DCTD: variants seen among roughly 807,000 people sequenced by gnomAD.
The protein encoded by DCTD is deoxycytidylate deaminase.
DCTD carries 23 observed loss-of-function variants against 21.0 expected under a neutral mutation model. The observed-to-expected ratio is 1.09, with a 90% CI of 0.79 to 1.55. The LOEUF (loss-of-function observed/expected upper bound fraction) is 1.55, where lower values mean the gene tolerates loss of function less well. Ranked by LOEUF, DCTD falls within the 40% of genes most tolerant of loss-of-function variation. DCTD has a pLI of 0.00. For missense variants in DCTD, 224 were observed against 230.0 expected, an observed-to-expected ratio of 0.97 and a Z score of 0.17; for synonymous variants, 71 against 81.1, an observed-to-expected ratio of 0.88 and a Z score of 0.67.
At chr4:182,898,888 A>G (rs1735217472) in intron 3 of DCTD, among the ~76,000 whole-genome samples, 1 of 152,242 alleles carries the variant, frequency 6.6e-6, no homozygotes, top group East Asian at 1.9e-4. Context: ...AATCAGTTCA[A>G]TGAGTTACAC....
At chr4:182,904,369 C>A (rs1008558926) in intron 3 of DCTD, among the ~76,000 whole-genome samples, 1 of 152,186 alleles carries the variant, frequency 6.6e-6, no homozygotes, top group Non-Finnish European at 1.5e-5. Context: ...GAAATGCACA[C>A]GTGATGCCTA....
chr4:182,890,668 G>A lies in DCTD; in HGVS notation c.*731C>T, dbSNP rs1045231100. ...GGAACAACTCATTATTCAGCTAAAC[G>A]AAATGGAAGAGCTCCATGTGACCAA... On this transcript the variant is annotated 3_prime_UTR_variant, in exon 6 of 6. Transcript: ENST00000438320. The A allele has an allele frequency of 6.6e-6, 1 of 152,364 alleles. No individual in the cohort carries two copies. Among genetic ancestry groups the A allele is most frequent in the East Asian group, 1.9e-4 (1 of 5,170 alleles). The allele number at this position is 152,364 out of a possible 1,614,324, so 9.4% of individuals were successfully genotyped here. A position where few individuals can be genotyped will look rare whatever the true frequency, so the allele number is the denominator to read the frequency against.
chr4:182,914,852 G>C, intron 3 of DCTD, 71 bp downstream of exon 3: 1 of 1,575,838 alleles, frequency 6.3e-7, no homozygotes, highest in Non-Finnish European at 8.7e-7. Flanking sequence ...GATGCCTTCT[G>C]ACCAACTTTC....
intron 3 of DCTD, among the ~76,000 whole-genome samples, chr4:182,914,324 G>T (rs1561347453): frequency 6.6e-6 from 1 of 152,182 alleles, no homozygotes; most frequent in Non-Finnish European, 1.5e-5. Context: ...CTGGCTTTTG[G>T]TCTGACCACA....
At chr4:182,903,750 C>A (rs1736163870) in intron 3 of DCTD, among the ~76,000 whole-genome samples, 1 of 152,114 alleles carries the variant, frequency 6.6e-6, no homozygotes, top group African/African-American at 2.4e-5. Context: ...GCTCCTGCAA[C>A]AATGCACTCA....
intron 3 of DCTD, among the ~76,000 whole-genome samples, chr4:182,914,445 C>A (rs922011975): frequency 6.6e-6 from 1 of 152,248 alleles, no homozygotes; most frequent in Non-Finnish European, 1.5e-5. Context: ...TGAGCTTGAG[C>A]CAGATGTTCT....
chr4:182,901,908 T>C (rs1191031773), intron 3 of DCTD, among the ~76,000 whole-genome samples: 1 of 152,050 alleles, frequency 6.6e-6, no homozygotes, highest in Non-Finnish European at 1.5e-5. Context: ...GTTATCAGAG[T>C]TGCTAAACCT....
intron 3 of DCTD, among the ~76,000 whole-genome samples, chr4:182,902,242 G>T (rs943424065): frequency 1.3e-5 from 2 of 152,128 alleles, no homozygotes; most frequent in African/African-American, 2.4e-5. Context: ...AAAAGCTTAT[G>T]AAGTGTTCCC....
At chr4:182,896,054 T>C (rs138100117) in intron 3 of DCTD, among the ~76,000 whole-genome samples, 84 of 152,326 alleles carry the variant, frequency 5.5e-4, no homozygotes, top group Middle Eastern at 3.4e-3. Flanking sequence ...ATGGGAATCT[T>C]CAAGGTCTCC....
Position 182,914,940 on chromosome 4 carries a change from T to C in DCTD, c.227A>G (p.Asp76Gly), listed in dbSNP as rs368912929. The C allele has an allele frequency of 3.7e-6, 6 of 1,614,128 alleles. No individual in the cohort carries two copies. In the East Asian group the frequency reaches 1.3e-4, roughly 36 times the overall value. ...TGCCCTACCGTACGGGTATTTGGTG[T>C]CCAGCTTATTCTCTGCTGTCCTTCT... Reference protein sequence around the residue: ...PWRRTAENKLDTKYPYVCHAE... With the variant: ...PWRRTAENKLGTKYPYVCHAE... The change falls in exon 3 of 6, where the codon GAC becomes GGC. Residue 76 changes from aspartate to glycine, a missense_variant. Transcript: ENST00000438320.
chr4:182,893,215 T>C (rs1312008918), intron 4 of DCTD, 88 bp from the exon 5 acceptor site: 9 of 779,308 alleles, frequency 1.2e-5, no homozygotes, highest in Admixed American at 4.0e-5. Flanking sequence ...ACTTTCAGCG[T>C]CTATGATTAA....
At chr4:182,911,088 T>C (rs1737584439) in intron 3 of DCTD, 1 of 152,256 alleles carries the variant, frequency 6.6e-6, no homozygotes, top group Admixed American at 6.5e-5. Context: ...TGGACATTTA[T>C]TTCTCATGGT....
intron 3 of DCTD, among the ~76,000 whole-genome samples, chr4:182,913,404 T>C (rs985039384): frequency 4.6e-5 from 7 of 152,368 alleles, no homozygotes; most frequent in African/African-American, 1.7e-4. Context: ...GTTCCTCCTC[T>C]CTCTCCAGGT....
intron 3 of DCTD, among the ~76,000 whole-genome samples, chr4:182,904,651 A>C (rs1380824207): frequency 6.6e-6 from 1 of 152,108 alleles, no homozygotes; most frequent in Non-Finnish European, 1.5e-5. Flanking sequence ...TGAGCTCCTG[A>C]CACTGCCCTA....
Position 182,891,957 on chromosome 4 carries a change from C to CTT in DCTD, c.459-482_459-481dup, listed in dbSNP as rs5864809. 1.8e-3 allele frequency among the ~76,000 whole-genome samples: 236 copies of CTT among 130,908 alleles called. 2 individuals carry two copies. Among genetic ancestry groups the CTT allele is most frequent in the Non-Finnish European group, 2.6e-3 (160 of 62,698 alleles). 85.9% of individuals were successfully genotyped at this position (130,908 alleles called of 152,430 possible). On this transcript the variant is annotated intron_variant, in intron 5 of 5. Coordinates refer to ENST00000438320, the MANE Select transcript of DCTD (RefSeq NM_001921.3). Reference sequence around the variant, plus strand: ...TTCTAAAAATGCAAACATAAACCAACTTTTTTTTTTTTTTTTTTGCTCATT... The same window carrying CTT: ...TTCTAAAAATGCAAACATAAACCAACTTTTTTTTTTTTTTTTTTTTGCTCATT...
At chr4:182,905,387 GGCGCGATCTCGGCTCACT>G (rs1736505320) in intron 3 of DCTD, among the ~76,000 whole-genome samples, 1 of 149,000 alleles carries the variant, frequency 6.7e-6, no homozygotes, top group Non-Finnish European at 1.5e-5. Flanking sequence ...GGAGTGCAAT[GGCGCGATCTCGGCTCACT>G]GCAACCTCCG....
At chr4:182,905,376 T>C (rs896992390) in intron 3 of DCTD, among the ~76,000 whole-genome samples, 5 of 149,140 alleles carry the variant, frequency 3.4e-5, no homozygotes, top group Non-Finnish European at 5.9e-5. Context: ...GTTGCCAGGC[T>C]GGAGTGCAAT....
chr4:182,915,777 G>T, intron 1 of DCTD: 1 of 910,304 alleles, frequency 1.1e-6, no homozygotes, highest in Non-Finnish European at 1.5e-6. Flanking sequence ...TATTTCAGAA[G>T]TTTGAATTTG....
intron 3 of DCTD, among the ~76,000 whole-genome samples, chr4:182,911,665 A>C (rs1326151349): frequency 1.3e-5 from 2 of 152,202 alleles, no homozygotes; most frequent in African/African-American, 4.8e-5. Flanking sequence ...AGAAAGGAGG[A>C]GGCTTAGATC....
Sources: allele counts gnomAD v4.1 joint callset (sites outside exome capture counted in the v4.1 genomes callset), GRCh38; gene constraint gnomAD v4.1.1; transcripts MANE v1.5; gene names NCBI Gene and HGNC (gene_info 2026-07-23, HGNC 2026-07-21).